Variants in WNT7B observed in about 807,000 individuals in gnomAD.
WNT7B encodes the protein protein Wnt-7b.
WNT7B carries 19 observed loss-of-function variants against 38.2 expected under a neutral mutation model. That is an observed-to-expected ratio of 0.50 (90% CI 0.35 to 0.73). The LOEUF is 0.73. Among genes scored for constraint, WNT7B ranks in the 30% least tolerant of loss-of-function variants. The pLI, the probability that WNT7B is intolerant of heterozygous loss-of-function variation, is 0.01. For synonymous variants in WNT7B, 243 were observed against 209.3 expected (o/e 1.16, Z -1.39); for missense variants, 423 against 507.9 (o/e 0.83, Z 1.61).
chr22:45,974,957 T>A (rs1657206492), intron 1 of WNT7B, among the ~76,000 whole-genome samples: 1 of 152,076 alleles, frequency 6.6e-6, no homozygotes, highest in Non-Finnish European at 1.5e-5. Flanking sequence ...CTGCTGTCTA[T>A]GGGGGTTCCT....
chr22:45,945,491 G>A (rs993348210), intron 2 of WNT7B, among the ~76,000 whole-genome samples: 13 of 152,250 alleles, frequency 8.5e-5, no homozygotes. Flanking sequence ...TTGCTTTGGG[G>A]ATTTGAGTCT....
chr22:45,939,409 G>A (rs1931588190), intron 2 of WNT7B, among the ~76,000 whole-genome samples: 1 of 152,188 alleles, frequency 6.6e-6, no homozygotes, highest in South Asian at 2.1e-4. Flanking sequence ...TGGACGAAAG[G>A]ATAAAGAAAA....
intron 1 of WNT7B, among the ~76,000 whole-genome samples, chr22:45,950,805 G>A (rs762585085): frequency 2.3e-4 from 35 of 152,220 alleles, no homozygotes; most frequent in African/African-American, 3.1e-4. Context: ...AGCCCGCACC[G>A]GGAATGGTGG....
In WNT7B at chr22:45,961,271, C is replaced by T. The variant is rs186596976; in HGVS notation, c.72-11125G>A. On this transcript the variant is annotated intron_variant, in intron 1 of 3. Transcript: ENST00000339464. Reference sequence around the variant, plus strand: ...GGGGGTGGGGCTTGGGCCAGGAGTTCCGCCCGGCCACCCCAAGGCTGTTCT... The same window carrying T: ...GGGGGTGGGGCTTGGGCCAGGAGTTTCGCCCGGCCACCCCAAGGCTGTTCT... Among the ~76,000 whole-genome samples, 633 of 152,190 alleles carry T rather than the reference C, an allele frequency of 4.2e-3. 3 individuals are homozygous for T. The highest frequency in any genetic ancestry group is 0.014 in the African/African-American group (587 of 41,524).
At chr22:45,943,872 G>T (rs1205659234) in intron 2 of WNT7B, among the ~76,000 whole-genome samples, 1 of 152,224 alleles carries the variant, frequency 6.6e-6, no homozygotes, top group Non-Finnish European at 1.5e-5. Context: ...GGGCTGCTGT[G>T]CCCCTGTGAG....
At chr22:45,948,522 C>T (rs1931850129) in intron 2 of WNT7B, among the ~76,000 whole-genome samples, 1 of 152,378 alleles carries the variant, frequency 6.6e-6, no homozygotes, top group Admixed American at 6.5e-5. Context: ...CTGCTCGGCT[C>T]CAGGATCAGA....
chr22:45,951,119 G>C lies in WNT7B; in HGVS notation c.72-973C>G, dbSNP rs10448581. 0.44 allele frequency among the ~76,000 whole-genome samples: 67,309 copies of C among 152,048 alleles called. 15,319 individuals are homozygous for C. Among genetic ancestry groups the C allele is most frequent in the South Asian group, 0.54 (2,583 of 4,818 alleles). ...GAGTTTCGGAGTCTCACTCTGTCGC[G>C]CAGGCTGGAGTGCAGTGGTGTGATC... On this transcript the variant is annotated intron_variant, in intron 1 of 3. Transcript: ENST00000339464. The surrounding 1 kb of genome is among the most constrained non-coding windows in gnomAD (Gnocchi z 4.8).
chr22:45,945,088 A>ATT (rs56708785), intron 2 of WNT7B, among the ~76,000 whole-genome samples: 103 of 148,572 alleles, frequency 6.9e-4, no homozygotes, highest in African/African-American at 2.5e-3. Context: ...GGTGAACTTA[A>ATT]TTTTTTTTTT....
At position 45,925,608 on chromosome 22, in the gene WNT7B, C is replaced by G. The variant is rs1422439920; in HGVS notation, c.571-2273G>C. 7.1e-6 allele frequency: 7 copies of G among 985,180 alleles called. No individual in the cohort carries two copies. In the Admixed American group the frequency reaches 4.3e-4, roughly 61 times the overall value. 61.0% of individuals were successfully genotyped at this position (985,180 alleles called of 1,614,324 possible). ...TCCCATCCTGTCCATCACCCCAGCTCCCTGTTCATCTCTGCTGGGATCTGT... is the reference window on the plus strand; with the variant it reads ...TCCCATCCTGTCCATCACCCCAGCTGCCTGTTCATCTCTGCTGGGATCTGT... On this transcript the variant is annotated intron_variant, in intron 3 of 3. Transcript: ENST00000339464.
intron 3 of WNT7B, among the ~76,000 whole-genome samples, chr22:45,929,746 AT>A (rs1175312565): frequency 5.4e-5 from 8 of 148,764 alleles, no homozygotes; most frequent in East Asian, 2.0e-4. Flanking sequence ...CCACCGATCC[AT>A]CCTTTCATTC....
chr22:45,974,902 G>A (rs1932520543), intron 1 of WNT7B, among the ~76,000 whole-genome samples: 1 of 152,150 alleles, frequency 6.6e-6, no homozygotes, highest in African/African-American at 2.4e-5. Flanking sequence ...CTCAAGCCCT[G>A]GAAGCAGCCC....
At chr22:45,973,427 T>C (rs1932493736) in intron 1 of WNT7B, among the ~76,000 whole-genome samples, 1 of 152,184 alleles carries the variant, frequency 6.6e-6, no homozygotes, top group South Asian at 2.1e-4. Context: ...TTCTAACTTC[T>C]AGACCTGGTG....
chr22:45,950,246 T>C, intron 1 of WNT7B, 100 bp from the exon 2 acceptor site: 1 of 1,018,222 alleles, frequency 9.8e-7, no homozygotes, highest in Non-Finnish European at 1.5e-6. Context: ...TCACAGGCCC[T>C]GCACTAGCTC....
intron 1 of WNT7B, chr22:45,972,328 T>G: frequency 2.3e-6 from 1 of 435,750 alleles, no homozygotes. Flanking sequence ...AGCTCCCCGA[T>G]GCAGGGCGGC....
chr22:45,939,398 A>G (rs556239868), intron 2 of WNT7B, among the ~76,000 whole-genome samples: 34 of 152,370 alleles, frequency 2.2e-4, no homozygotes, highest in African/African-American at 6.7e-4. Flanking sequence ...ATGTCCATCA[A>G]TGGACGAAAG....
At chr22:45,931,640 C>G (rs144126476) in intron 2 of WNT7B, among the ~76,000 whole-genome samples, 3 of 135,682 alleles carry the variant, frequency 2.2e-5, no homozygotes, top group Non-Finnish European at 5.2e-5. Context: ...CACCCTGCGA[C>G]TGCCCTCCAG....
intron 2 of WNT7B, among the ~76,000 whole-genome samples, chr22:45,942,892 T>C (rs552304444): frequency 1.3e-5 from 2 of 150,650 alleles, no homozygotes; most frequent in African/African-American, 4.9e-5. Flanking sequence ...TGTATGTGCG[T>C]GTGTGTGCGC....
At chr22:45,963,607 A>G (rs551925613) in intron 1 of WNT7B, among the ~76,000 whole-genome samples, 2 of 152,286 alleles carry the variant, frequency 1.3e-5, no homozygotes, top group South Asian at 4.1e-4. Context: ...GTGGTTTGGT[A>G]TCAGAGACAA....
At position 45,950,022 on chromosome 22, in the gene WNT7B, C is replaced by A. The variant is rs1931893273; in HGVS notation, c.196G>T (p.Ala66Ser). The part of the protein sequence containing the change: ...PDAIIVIGEG[A>S]QMGINECQYQ... ...TGGCACTCGTTGATGCCCATCTGCG[C>A]CCCCTCCCCAATCACAATGATGGCA... The change falls in exon 2 of 4, where the codon GCG becomes TCG. Residue 66 changes from alanine (A) to serine (S), a missense_variant. Ala to Ser is a moderately conservative substitution (Grantham distance 99). This residue lies in a region of WNT7B where 133 missense variants were observed against 179.8 expected (regional missense o/e 0.74). Transcript: ENST00000339464. 6.2e-7 allele frequency: 1 copy of A among 1,613,904 alleles called. No homozygotes were observed.
Sources: gnomAD v4.1 joint callset for allele counts (sites outside exome capture counted in the v4.1 genomes callset) on GRCh38, gnomAD v4.1.1 for gene constraint, gnomAD v4.1.1 regional missense constraint, Gnocchi (gnomAD v3.1) non-coding constraint, MANE v1.5 for transcripts, NCBI Gene and HGNC (gene_info 2026-07-23, HGNC 2026-07-21) for gene names.